TMC7: variants seen among roughly 807,000 people sequenced by gnomAD.
TMC7 encodes the protein transmembrane channel like 7.
A neutral mutation model predicts 82.9 loss-of-function variants in TMC7; 54 were observed. The observed-to-expected ratio is 0.65, with a 90% confidence interval of 0.52 to 0.82. TMC7 has a LOEUF of 0.82. Ranked by LOEUF, TMC7 falls within the 40% of genes least tolerant of loss-of-function variation. The pLI is 0.00. For missense variants in TMC7, 820 were observed against 901.2 expected (o/e 0.91, Z 1.15); for synonymous variants, 350 against 337.9 (o/e 1.04, Z -0.39).
chr16:19,059,224 T>C (rs1395952787), intron 14 of TMC7, among the ~76,000 whole-genome samples, 192 bp from the exon 15 acceptor site: 1 of 152,204 alleles, frequency 6.6e-6, no homozygotes, highest in East Asian at 1.9e-4. Flanking sequence ...TTGCCTGGGC[T>C]GGTCTCAAAC....
intron 1 of TMC7, among the ~76,000 whole-genome samples, chr16:19,004,289 G>T (rs1002885264): frequency 1.3e-5 from 2 of 152,106 alleles, no homozygotes; most frequent in Admixed American, 1.3e-4. Flanking sequence ...TTCCTAGGAG[G>T]GGGTAGGTGG....
chr16:19,020,649 C>G (rs1010707404), intron 3 of TMC7, among the ~76,000 whole-genome samples: 2 of 151,648 alleles, frequency 1.3e-5, no homozygotes, highest in African/African-American at 4.8e-5. Context: ...AGGTGGATCA[C>G]CTGAGGTCAG....
intron 1 of TMC7, among the ~76,000 whole-genome samples, chr16:19,003,885 C>G (rs1047401308): frequency 4.2e-5 from 5 of 117,804 alleles, no homozygotes; most frequent in African/African-American, 6.6e-5. Flanking sequence ...ATCAGGGACA[C>G]AAACACTGCG....
intron 9 of TMC7, among the ~76,000 whole-genome samples, chr16:19,044,209 C>T (rs1961153806): frequency 6.6e-6 from 1 of 151,924 alleles, no homozygotes; most frequent in South Asian, 2.1e-4. Flanking sequence ...TCACTCTGTC[C>T]CTGAGGCTAG....
chr16:19,035,251 A>G (rs992473065), intron 6 of TMC7, among the ~76,000 whole-genome samples: 2 of 152,206 alleles, frequency 1.3e-5, no homozygotes, highest in African/African-American at 2.4e-5. Flanking sequence ...AAAGATGGCA[A>G]CAAAAGAAAC....
At chr16:19,025,895 AC>A (rs1308114300) in intron 5 of TMC7, among the ~76,000 whole-genome samples, 2 of 151,768 alleles carry the variant, frequency 1.3e-5, no homozygotes, top group Non-Finnish European at 2.9e-5. Flanking sequence ...AGCTGGGACT[AC>A]AGGTGCATAC....
At chr16:19,004,459 G>A (rs1379212458) in intron 1 of TMC7, among the ~76,000 whole-genome samples, 1 of 152,042 alleles carries the variant, frequency 6.6e-6, no homozygotes, top group South Asian at 2.1e-4. Context: ...CCGCCTCCTG[G>A]CTTCAAGCAA....
chr16:19,021,366 T>G (rs912633225), intron 3 of TMC7, among the ~76,000 whole-genome samples: 8 of 152,134 alleles, frequency 5.3e-5, no homozygotes, highest in Non-Finnish European at 1.2e-4. Flanking sequence ...CAACTAGAGA[T>G]TCATATAAGG....
At chr16:19,045,205 G>C in intron 10 of TMC7, 136 bp from the exon 11 acceptor site, 1 of 851,484 alleles carries the variant, frequency 1.2e-6, no homozygotes, top group Non-Finnish European at 2.0e-6. Context: ...CTGAGGCTCA[G>C]AGTTTGCATC....
chr16:19,059,136 C>T (rs1596803761), intron 14 of TMC7, among the ~76,000 whole-genome samples: 1 of 152,144 alleles, frequency 6.6e-6, no homozygotes, highest in East Asian at 1.9e-4. Context: ...CCTCGGCCTC[C>T]CAAAGTGCTG....
At chr16:19,040,210 T>C in intron 8 of TMC7, 79 bp from the exon 9 acceptor site, 1 of 1,317,676 alleles carries the variant, frequency 7.6e-7, no homozygotes, top group Non-Finnish European at 1.0e-6. Flanking sequence ...CACACATAGT[T>C]GAGTTCTTTT....
intron 2 of TMC7, 64 bp from the exon 3 acceptor site, chr16:19,016,386 G>A: frequency 6.3e-7 from 1 of 1,599,880 alleles, no homozygotes; most frequent in South Asian, 1.1e-5. Flanking sequence ...TACTGTGCCA[G>A]GCTGGGATGC....
chr16:19,005,234 C>T (rs1220981389), intron 1 of TMC7, among the ~76,000 whole-genome samples: 3 of 152,060 alleles, frequency 2.0e-5, no homozygotes, highest in African/African-American at 7.2e-5. Flanking sequence ...GGACTACAGG[C>T]ACCCGCCACC....
In TMC7 at chr16:19,009,345, A is replaced by T; in HGVS notation, c.241A>T (p.Ile81Phe). ...DSYSSQLEDR[I>F]AENLSSHSLR... Reference sequence around the variant, plus strand: ...TTACAGCTCCCAGCTGGAGGACAGAATCGCTGAAAACCTCAGCAGCCATTC... The same window carrying T: ...TTACAGCTCCCAGCTGGAGGACAGATTCGCTGAAAACCTCAGCAGCCATTC... Residue 81 changes from isoleucine (I) to phenylalanine (F), a missense_variant, in exon 2 of 16, where the codon ATC becomes TTC. Physicochemically the swap from Ile to Phe is conservative, Grantham distance 21. This residue lies in a region of TMC7 where 650 missense variants were observed against 669.9 expected (regional missense o/e 0.97). Coordinates refer to ENST00000304381, the MANE Select transcript of TMC7 (RefSeq NM_024847.4). 6.2e-7 allele frequency: 1 copy of T among 1,614,184 alleles called. No individual in the cohort carries two copies. The highest frequency in any genetic ancestry group is 8.5e-7 in the Non-Finnish European group (1 of 1,180,038).
At chr16:19,034,800 A>T (rs1960671467) in intron 6 of TMC7, among the ~76,000 whole-genome samples, 1 of 152,082 alleles carries the variant, frequency 6.6e-6, no homozygotes, top group African/African-American at 2.4e-5. Context: ...CCAAGGGTAG[A>T]GTCCCAGAGG....
At chr16:19,003,131 G>A (rs552270077) in intron 1 of TMC7, among the ~76,000 whole-genome samples, 2 of 152,250 alleles carry the variant, frequency 1.3e-5, no homozygotes, top group East Asian at 3.9e-4. Flanking sequence ...AGGAGTTTGA[G>A]ACCAGCCTAG....
intron 5 of TMC7, 31 bp from the exon 6 acceptor site, chr16:19,030,193 G>C: frequency 5.0e-6 from 8 of 1,601,656 alleles, no homozygotes; most frequent in Non-Finnish European, 6.8e-6. Context: ...AAGCTGACCA[G>C]TCTGACTTCA....
chr16:19,043,600 C>T (rs1567524564), intron 9 of TMC7, among the ~76,000 whole-genome samples: 3 of 152,042 alleles, frequency 2.0e-5, no homozygotes, highest in South Asian at 2.1e-4. Context: ...GATGGAGTTT[C>T]GCTCTTGTTG....
intron 5 of TMC7, among the ~76,000 whole-genome samples, chr16:19,029,850 T>G (rs923240019): frequency 2.6e-5 from 4 of 151,956 alleles, no homozygotes; most frequent in African/African-American, 7.3e-5. Context: ...GTAGCTGGGG[T>G]TACAGGCGCG....
Sources: gnomAD v4.1 joint callset for allele counts (sites outside exome capture counted in the v4.1 genomes callset) on GRCh38, gnomAD v4.1.1 for gene constraint, gnomAD v4.1.1 regional missense constraint, MANE v1.5 for transcripts, NCBI Gene and HGNC (gene_info 2026-07-23, HGNC 2026-07-21) for gene names.